The following PLD5 variants were observed in gnomAD, a reference collection of about 807,000 sequenced individuals.
The protein encoded by PLD5 is phospholipase D family member 5.
Under a neutral mutation model 61.1 loss-of-function variants are expected in PLD5, and 36 were observed. That is an observed-to-expected ratio of 0.59 (90% confidence interval 0.45 to 0.78). PLD5 has a LOEUF of 0.78. PLD5 is among the 30% of genes least tolerant of loss of function. PLD5 has a pLI of 0.00. For missense variants in PLD5, 515 were observed against 644.4 expected (o/e 0.80, Z 2.17); for synonymous variants, 243 against 242.8 (o/e 1.00, Z -0.01).
At chr1:242,169,873 G>A (rs1666614230) in intron 5 of PLD5, among the ~76,000 whole-genome samples, 1 of 152,202 alleles carries the variant, frequency 6.6e-6, no homozygotes, top group African/African-American at 2.4e-5. Context: ...TGGCCAGACT[G>A]CCTTTCTAGA....
intron 5 of PLD5, among the ~76,000 whole-genome samples, chr1:242,186,389 G>C (rs1427425247): frequency 6.6e-6 from 1 of 152,040 alleles, no homozygotes; most frequent in Non-Finnish European, 1.5e-5. Context: ...CACCATGTTG[G>C]TCAGGCTGGT....
intron 5 of PLD5, among the ~76,000 whole-genome samples, chr1:242,196,099 G>A (rs1668623381): frequency 3.9e-5 from 6 of 152,198 alleles, no homozygotes; most frequent in Admixed American, 3.9e-4. Flanking sequence ...TTGGTTTGGG[G>A]TGAGGATTGG....
intron 3 of PLD5, among the ~76,000 whole-genome samples, chr1:242,275,729 C>A (rs316906): frequency 0.56 from 85,618 of 151,840 alleles, 24,279 homozygotes; most frequent in African/African-American, 0.61. Flanking sequence ...AGGGAAAGTT[C>A]CCCAAAGAAA....
chr1:242,127,007 A>C (rs935431480), intron 5 of PLD5, among the ~76,000 whole-genome samples: 4 of 152,152 alleles, frequency 2.6e-5, no homozygotes, highest in Non-Finnish European at 5.9e-5. Context: ...TGGGTAGACA[A>C]TTCTCAAAAG....
intron 5 of PLD5, among the ~76,000 whole-genome samples, chr1:242,130,513 G>A (rs919103434): frequency 6.6e-6 from 1 of 152,076 alleles, no homozygotes; most frequent in Non-Finnish European, 1.5e-5. Context: ...TTAGTTCTTC[G>A]AGAAATCTCC....
At chr1:242,251,132 C>G (rs910741487) in intron 4 of PLD5, among the ~76,000 whole-genome samples, 51 of 152,040 alleles carry the variant, frequency 3.4e-4, no homozygotes, top group African/African-American at 1.2e-3. Context: ...CCGTGAATAT[C>G]CAAGAGGAAA....
chr1:242,311,066 T>C (rs191210184), intron 2 of PLD5, among the ~76,000 whole-genome samples: 3 of 152,248 alleles, frequency 2.0e-5, no homozygotes, highest in Admixed American at 6.5e-5. Flanking sequence ...CAACAGCCTA[T>C]GAGACAACAC....
At chr1:242,245,626 T>C (rs1396596475) in intron 4 of PLD5, among the ~76,000 whole-genome samples, 2 of 152,298 alleles carry the variant, frequency 1.3e-5, no homozygotes, top group South Asian at 2.1e-4. Flanking sequence ...TAGTATCCAT[T>C]GGTAGTTTTG....
At chr1:242,237,511 G>C (rs1248294428) in intron 4 of PLD5, among the ~76,000 whole-genome samples, 1 of 152,222 alleles carries the variant, frequency 6.6e-6, no homozygotes, top group Non-Finnish European at 1.5e-5. Context: ...TAGAGGGACA[G>C]TGCAGGAGCA....
At chr1:242,231,949 A>G (rs943746686) in intron 4 of PLD5, among the ~76,000 whole-genome samples, 5 of 151,586 alleles carry the variant, frequency 3.3e-5, no homozygotes, top group African/African-American at 9.7e-5. Context: ...GAAAAAAAAA[A>G]AAAGAAAGAA....
intron 1 of PLD5, among the ~76,000 whole-genome samples, chr1:242,490,174 G>A (rs1668098933): frequency 4.6e-5 from 7 of 152,172 alleles, no homozygotes; most frequent in Admixed American, 2.6e-4. Context: ...CCCTTAGTGA[G>A]AACCATGGCT....
intron 4 of PLD5, among the ~76,000 whole-genome samples, chr1:242,225,680 C>T (rs1018099217): frequency 2.6e-5 from 4 of 152,226 alleles, no homozygotes; most frequent in East Asian, 1.9e-4. Context: ...ACGTGAGACA[C>T]ATTCGTGCTG....
At chr1:242,179,484 C>T (rs1174758527) in intron 5 of PLD5, among the ~76,000 whole-genome samples, 2 of 152,204 alleles carry the variant, frequency 1.3e-5, no homozygotes, top group Non-Finnish European at 2.9e-5. Context: ...CTGTCAGCCA[C>T]TGCTGTGCTG....
At chr1:242,444,540 T>C (rs1307215826) in intron 1 of PLD5, among the ~76,000 whole-genome samples, 1 of 150,748 alleles carries the variant, frequency 6.6e-6, no homozygotes, top group Non-Finnish European at 1.5e-5. Flanking sequence ...GACATAGGAA[T>C]ATAGGTGCAT....
chr1:242,317,344 CTA>C (rs1558458613), intron 2 of PLD5, among the ~76,000 whole-genome samples: 1 of 152,180 alleles, frequency 6.6e-6, no homozygotes, highest in African/African-American at 2.4e-5. Flanking sequence ...TAGGTTGATT[CTA>C]TGTCTTTGCT....
chr1:242,503,885 C>A (rs1259729318), intron 1 of PLD5, among the ~76,000 whole-genome samples: 1 of 151,906 alleles, frequency 6.6e-6, no homozygotes, highest in Admixed American at 6.5e-5. Context: ...TGGGAAGAAC[C>A]CTGACGATGC....
intron 6 of PLD5, among the ~76,000 whole-genome samples, chr1:242,114,561 A>C (rs1386178504): frequency 6.6e-6 from 1 of 152,250 alleles, no homozygotes; most frequent in Non-Finnish European, 1.5e-5. Context: ...GAGCAGGTGA[A>C]TGACAGGCAA....
intron 5 of PLD5, among the ~76,000 whole-genome samples, chr1:242,163,295 C>T (rs1402447886): frequency 6.6e-6 from 1 of 151,918 alleles, no homozygotes; most frequent in African/African-American, 2.4e-5. Flanking sequence ...AGGCGCCCGC[C>T]ACCACGCCCG....
intron 2 of PLD5, among the ~76,000 whole-genome samples, chr1:242,310,667 A>G (rs916168519): frequency 3.3e-5 from 5 of 152,340 alleles, no homozygotes; most frequent in Admixed American, 6.5e-5. Context: ...CAACCTGATA[A>G]TATCAAATGA....
Sources: gnomAD v4.1 joint callset for allele counts (sites outside exome capture counted in the v4.1 genomes callset) on GRCh38, gnomAD v4.1.1 for gene constraint, MANE v1.5 for transcripts, NCBI Gene and HGNC (gene_info 2026-07-23, HGNC 2026-07-21) for gene names.